The following MUC5AC variants were observed in gnomAD, a reference collection of about 807,000 sequenced individuals.
MUC5AC encodes the protein mucin 5AC, oligomeric mucus/gel-forming.
MUC5AC carries 158 observed loss-of-function variants against 169.7 expected under a neutral mutation model. The observed-to-expected ratio is 0.93, with a 90% confidence interval of 0.82 to 1.06. The LOEUF (loss-of-function observed/expected upper bound fraction) is 1.06, where lower values mean the gene tolerates loss of function less well. MUC5AC is among the 50% of genes least tolerant of loss of function. The pLI, the probability that MUC5AC is intolerant of heterozygous loss-of-function variation, is 0.00. For synonymous variants in MUC5AC, 1,975 were observed against 1,237.0 expected (o/e 1.60, Z -12.52); for missense variants, 4,359 against 3,089.9 (o/e 1.41, Z -9.74).
chr11:1,186,228 G>A lies in MUC5AC; in HGVS notation c.8083G>A (p.Gly2695Ser), dbSNP rs1860940862. ...TGCTTCTACAACCAGCACAACCTCT[G>A]GTCCTGGAACTACTCCCAGCCCTGT... ...TSASTTSTTS[G>S]PGTTPSPVPT... Residue 2695 changes from glycine to serine, a missense_variant, in exon 31 of 49, where the codon GGT becomes AGT. Transcript: ENST00000621226. 8.0e-6 allele frequency: 6 copies of A among 752,356 alleles called. No individual in the cohort carries two copies. The highest frequency in any genetic ancestry group is 2.4e-5 in the East Asian group (1 of 40,864). The allele number at this position is 752,356 out of a possible 1,614,324, so 46.6% of individuals were successfully genotyped here. A position where few individuals can be genotyped will look rare whatever the true frequency, so the allele number is the denominator to read the frequency against.
chr11:1,162,324 C>T lies in MUC5AC; in HGVS notation c.473+156C>T, dbSNP rs80022407. 8.7e-4 allele frequency among the ~76,000 whole-genome samples: 133 copies of T among 152,264 alleles called. 1 individual carries two copies. The highest frequency in any genetic ancestry group is 1.9e-3 in the South Asian group (9 of 4,818). On this transcript the variant is annotated intron_variant, in intron 4 of 48. Transcript: ENST00000621226. ...GGGCCCTCCCTCGTCCCCCGAGTGG[C>T]CCACCTGCCCCTCCTGGGATCCCCA...
chr11:1,177,712 GAGAGGCAC>G (rs1197885457), intron 24 of MUC5AC, 79 bp downstream of exon 24: 1 of 397,732 alleles, frequency 2.5e-6, no homozygotes, highest in African/African-American at 2.1e-5. Context: ...GGGCAGAGAC[GAGAGGCAC>G]AGAGACACAG....
At chr11:1,167,013 G>C (rs28538676) in intron 11 of MUC5AC, among the ~76,000 whole-genome samples, 1 of 2,718 alleles carries the variant, frequency 3.7e-4, no homozygotes. Context: ...CACAGTCTCT[G>C]CACGATGAGA....
chr11:1,164,584 G>A, intron 9 of MUC5AC, 52 bp downstream of exon 9: 1 of 1,555,976 alleles, frequency 6.4e-7, no homozygotes, highest in South Asian at 1.2e-5. Flanking sequence ...CAACTAGGGG[G>A]CTGTGCTCCC....
At chr11:1,194,699 C>T (rs376915386) in intron 35 of MUC5AC, 29 bp downstream of exon 35, 41 of 725,736 alleles carry the variant, frequency 5.6e-5, no homozygotes, top group Non-Finnish European at 9.6e-5. Context: ...CGGGCATCGT[C>T]TGGCATTCGC....
Position 1,196,626 on chromosome 11 carries a change from G to A in MUC5AC, c.15735G>A (p.Pro5245=), listed in dbSNP as rs765611965. 2.4e-5 allele frequency: 18 copies of A among 761,734 alleles called. No individual in the cohort carries two copies. Among genetic ancestry groups the A allele is most frequent in the Admixed American group, 5.1e-5 (3 of 58,562 alleles). 47.2% of individuals were successfully genotyped at this position (761,734 alleles called of 1,614,324 possible). The change falls in exon 39 of 49, where the codon CCG becomes CCA. Residue 5245 remains proline (P), a synonymous_variant. Coordinates refer to ENST00000621226, the MANE Select transcript of MUC5AC (RefSeq NM_001304359.2). Reference sequence around the variant, plus strand: ...CCTATGCTCTCTACAGGGCTCTGCCGGAGGCCGGCCCCATCACCGAAGGCT... The same window carrying A: ...CCTATGCTCTCTACAGGGCTCTGCCAGAGGCCGGCCCCATCACCGAAGGCT... The part of the protein sequence containing the change: ...GNDSASLGAL[P]EAGPITEGCF...
At chr11:1,165,232 G>A in intron 9 of MUC5AC, 70 bp from the exon 10 acceptor site, 1 of 1,441,664 alleles carries the variant, frequency 6.9e-7, no homozygotes, top group Non-Finnish European at 9.5e-7. Flanking sequence ...GGGCCGCCAT[G>A]TTGTTCCCCT....
Position 1,194,553 on chromosome 11 carries a change from G to A in MUC5AC, c.15073G>A (p.Gly5025Ser), listed in dbSNP as rs1187625447. 5 of 764,010 alleles carry A rather than the reference G, an allele frequency of 6.5e-6. No individual in the cohort carries two copies. Among genetic ancestry groups the A allele is most frequent in the East Asian group, 2.4e-5 (1 of 41,238 alleles). The allele number at this position is 764,010 out of a possible 1,614,324, so 47.3% of individuals were successfully genotyped here. A position where few individuals can be genotyped will look rare whatever the true frequency, so the allele number is the denominator to read the frequency against. Residue 5025 changes from glycine to serine, a missense_variant, in exon 35 of 49, where the codon GGC becomes AGC. Coordinates refer to ENST00000621226, the MANE Select transcript of MUC5AC (RefSeq NM_001304359.2). ...RKNGIVVSRI[G>S]VKMYATIPEL... ...AAACGGCATCGTGGTCTCGCGCATC[G>A]GCGTCAAGATGTACGCGACCATCCC... is the stretch of plus-strand genomic sequence containing the variant.
intron 16 of MUC5AC, among the ~76,000 whole-genome samples, chr11:1,173,321 CCACT>C (rs1385135452): frequency 2.0e-4 from 24 of 118,856 alleles, no homozygotes; most frequent in Admixed American, 1.3e-3. Context: ...ACTCACTCAT[CCACT>C]CACTCACTCA....
intron 11 of MUC5AC, among the ~76,000 whole-genome samples, chr11:1,166,562 A>G (rs1396664231): frequency 1.3e-5 from 1 of 76,644 alleles, no homozygotes. Context: ...AGTCTCCCCA[A>G]GATGAGACCC....
intron 19 of MUC5AC, among the ~76,000 whole-genome samples, 154 bp from the exon 20 acceptor site, chr11:1,175,987 TGGACACGCTC>T (rs1860675487): frequency 7.0e-6 from 1 of 143,308 alleles, no homozygotes; most frequent in African/African-American, 2.6e-5. Flanking sequence ...CACCCACTCA[TGGACACGCTC>T]ACACACCCAC....
rs1224498496 is a variant in MUC5AC at position 1,167,882 on chromosome 11, T to G, written c.1392T>G (p.Cys464Trp). 1.9e-6 allele frequency: 3 copies of G among 1,550,094 alleles called. No individual in the cohort carries two copies. The highest frequency in any genetic ancestry group is 2.6e-6 in the Non-Finnish European group (3 of 1,146,908). The change falls in exon 12 of 49, where the codon TGT (cysteine) becomes TGG (tryptophan). Residue 464 changes from cysteine (C) to tryptophan (W), a missense_variant. Cys to Trp is a radical substitution (Grantham distance 215). Transcript: ENST00000621226. ...GDCSYVLTKPCDSSAFTVLAE... is the reference protein window; with the variant it reads ...GDCSYVLTKPWDSSAFTVLAE... ...TGGTGTGTCGTGTTCCGCAGCCCTG[T>G]GACAGCAGTGCCTTCACTGTACTGG...
Position 1,187,426 on chromosome 11 carries a change from C to T in MUC5AC, c.9281C>T (p.Ser3094Leu), listed in dbSNP as rs1386638824. 20 of 730,978 alleles carry T rather than the reference C, an allele frequency of 2.7e-5. No homozygotes were observed. Among genetic ancestry groups the T allele is most frequent in the South Asian group, 7.2e-5 (5 of 69,926 alleles). 45.3% of individuals were successfully genotyped at this position (730,978 alleles called of 1,614,324 possible). Residue 3094 changes from serine to leucine, a missense_variant, in exon 31 of 49, where the codon TCG becomes TTG. Physicochemically the swap from Ser to Leu is moderately radical, Grantham distance 145. Coordinates refer to ENST00000621226, the MANE Select transcript of MUC5AC (RefSeq NM_001304359.2). ...TCTGCCGCTACAACCAGCACAATCT[C>T]GGCCCCAACAACCAGCACAACGTCT... The part of the protein sequence containing the change: ...TTSAATTSTI[S>L]APTTSTTSAP...
intron 24 of MUC5AC, among the ~76,000 whole-genome samples, chr11:1,177,869 G>A (rs1416369944): frequency 2.0e-5 from 3 of 152,170 alleles, no homozygotes; most frequent in Admixed American, 6.5e-5. Context: ...GGATTTGCCC[G>A]CAGCCTGGAC....
chr11:1,194,286 T>A lies in MUC5AC; in HGVS notation c.14932T>A (p.Ser4978Thr). 1.3e-6 allele frequency: 1 copy of A among 760,610 alleles called. No homozygotes were observed. Among genetic ancestry groups the A allele is most frequent in the East Asian group, 2.4e-5 (1 of 41,040 alleles). 47.1% of individuals were successfully genotyped at this position (760,610 alleles called of 1,614,324 possible). Reference protein sequence around the residue: ...GAEDGLSCPRSIILEYHQDRV... With the variant: ...GAEDGLSCPRTIILEYHQDRV... ...GGAGGACGGGCTCTCCTGCCCGAGG[T>A]CCATCATCCTGGAGTACCACCAGGA... The change falls in exon 34 of 49, where the codon TCC (serine) becomes ACC (threonine). Residue 4978 changes from serine to threonine, a missense_variant. Coordinates refer to ENST00000621226, the MANE Select transcript of MUC5AC (RefSeq NM_001304359.2).
chr11:1,198,684 G>A (rs1861345860), intron 43 of MUC5AC, among the ~76,000 whole-genome samples, 190 bp from the exon 44 acceptor site: 1 of 152,136 alleles, frequency 6.6e-6, no homozygotes, highest in Non-Finnish European at 1.5e-5. Flanking sequence ...CTAGGGATGG[G>A]GACCCTGGGC....
rs1860704548 is a variant in MUC5AC, at chr11:1,177,067, G to A, written c.2793+1G>A. 3 of 398,582 alleles carry A rather than the reference G, an allele frequency of 7.5e-6. No individual in the cohort carries two copies. The highest frequency in any genetic ancestry group is 4.1e-5 in the African/African-American group (2 of 48,640). 24.7% of individuals were successfully genotyped at this position (398,582 alleles called of 1,614,324 possible). A position where few individuals can be genotyped will look rare whatever the true frequency, so the allele number is the denominator to read the frequency against. ...AGACTGCGAGTACACGCTGGTGCAG[G>A]TGAGCCGGCGCGTTTGGGGTCCTCA... is the stretch of plus-strand genomic sequence containing the variant. On this transcript the variant is annotated splice_donor_variant, in intron 22 of 48. Coordinates refer to ENST00000621226, the MANE Select transcript of MUC5AC (RefSeq NM_001304359.2). LOFTEE classifies it high-confidence loss of function.
chr11:1,196,539 C>A (rs1169899970), intron 38 of MUC5AC, 64 bp downstream of exon 38: 48 of 764,166 alleles, frequency 6.3e-5, no homozygotes, highest in South Asian at 6.0e-4. Flanking sequence ...CAGCCTCCCG[C>A]TGCATCTCCC....
chr11:1,166,109 C>T (rs948318904), intron 11 of MUC5AC, among the ~76,000 whole-genome samples: 3 of 151,772 alleles, frequency 2.0e-5, no homozygotes, highest in Non-Finnish European at 4.4e-5. Context: ...AGTGTCCCCA[C>T]GATGAGACCC....
Sources: allele counts gnomAD v4.1 joint callset (sites outside exome capture counted in the v4.1 genomes callset), GRCh38; gene constraint gnomAD v4.1.1; transcripts MANE v1.5; gene names NCBI Gene and HGNC (gene_info 2026-07-23, HGNC 2026-07-21).